Variants in HSD11B1L observed in about 807,000 individuals in gnomAD.
The protein encoded by HSD11B1L is hydroxysteroid 11-beta dehydrogenase 1 like, also known as hydroxysteroid 11-beta-dehydrogenase 1-like protein.
HSD11B1L carries 22 observed loss-of-function variants against 27.0 expected under a neutral mutation model. That is an observed-to-expected ratio of 0.81 (90% CI 0.58 to 1.16). The LOEUF is 1.16. Among genes scored for constraint, HSD11B1L ranks in the 50% most tolerant of loss-of-function variants. The probability of loss-of-function intolerance (pLI) is 0.00; values close to 1 mark genes in which losing one functional copy is unlikely to be tolerated. For missense variants in HSD11B1L, 372 were observed against 401.8 expected, an observed-to-expected ratio of 0.93 and a Z score of 0.63; for synonymous variants, 187 against 189.2, an observed-to-expected ratio of 0.99 and a Z score of 0.09.
intron 1 of HSD11B1L, among the ~76,000 whole-genome samples, chr19:5,682,047 G>A (rs917520751): frequency 3.3e-5 from 5 of 152,210 alleles, no homozygotes; most frequent in South Asian, 2.1e-4. Context: ...GTGTGTCTGG[G>A]AAAGGTGAGG....
At position 5,687,749 on chromosome 19, in the gene HSD11B1L, C is replaced by A; in HGVS notation, c.669-4C>A. On this transcript the variant is annotated splice_polypyrimidine_tract_variant and splice_region_variant and intron_variant, in intron 7 of 7. Coordinates refer to ENST00000339423, the MANE Select transcript of HSD11B1L (RefSeq NM_198706.3). The surrounding 1 kb of genome is among the most constrained non-coding windows in gnomAD (Gnocchi z 6.6). Reference sequence around the variant, plus strand: ...CAGTCCCCACCGTGCCCTCCTGTCCCCAGGGGAGTCACGAGGGTCAAGGCG... The same window carrying A: ...CAGTCCCCACCGTGCCCTCCTGTCCACAGGGGAGTCACGAGGGTCAAGGCG... The A allele has an allele frequency of 6.7e-7, 1 of 1,486,350 alleles. No homozygotes were observed. The highest frequency in any genetic ancestry group is 2.0e-4 in the Middle Eastern group (1 of 5,074). The allele number at this position is 1,486,350 out of a possible 1,614,324, so 92.1% of individuals were successfully genotyped here.
intron 1 of HSD11B1L, chr19:5,683,886 T>C (rs2054618469): frequency 4.1e-6 from 1 of 242,246 alleles, no homozygotes; most frequent in Non-Finnish European, 7.7e-6. Flanking sequence ...AGAGTGAGAC[T>C]CTGCCTCAAA....
At chr19:5,684,167 C>T in intron 1 of HSD11B1L, 1 of 395,414 alleles carries the variant, frequency 2.5e-6, no homozygotes, top group Non-Finnish European at 4.5e-6. Context: ...AGGCGCCTGC[C>T]ACCGCGCCCG....
chr19:5,684,696 G>T, intron 1 of HSD11B1L, 123 bp from the exon 2 acceptor site: 1 of 1,502,708 alleles, frequency 6.7e-7, no homozygotes, highest in Non-Finnish European at 9.0e-7. Context: ...TGGACAGGTG[G>T]TGGCTGTGGA....
In HSD11B1L at chr19:5,688,236, C is replaced by T. The variant is rs1340149879; in HGVS notation, c.*291C>T. ...CATTTTGCAGATGAGGAAACTAAGG[C>T]TCAGAGAGGCCACGCCACCCTTGAG... On this transcript the variant is annotated 3_prime_UTR_variant, in exon 8 of 8. Transcript: ENST00000339423. The T allele has an allele frequency of 3.3e-6, 5 of 1,508,046 alleles. No individual in the cohort carries two copies. Among genetic ancestry groups the T allele is most frequent in the East Asian group, 2.5e-5 (1 of 40,680 alleles). The allele number at this position is 1,508,046 out of a possible 1,614,324, so 93.4% of individuals were successfully genotyped here.
intron 1 of HSD11B1L, among the ~76,000 whole-genome samples, chr19:5,682,630 G>C (rs894130120): frequency 6.6e-6 from 1 of 151,900 alleles, no homozygotes; most frequent in Non-Finnish European, 1.5e-5. Flanking sequence ...GCCTGGATTG[G>C]GTCCTGCTGG....
rs1332750937 is a variant in HSD11B1L at position 5,687,122 on chromosome 19, T to C, written c.408+131T>C. Reference sequence around the variant, plus strand: ...CGTCCCGCCCCAGCCACGCCCCTCCTAGCCCAAGCCCCTGCTCCGGCCTTG... The same window carrying C: ...CGTCCCGCCCCAGCCACGCCCCTCCCAGCCCAAGCCCCTGCTCCGGCCTTG... On this transcript the variant is annotated intron_variant, in intron 5 of 7. Transcript: ENST00000339423. The surrounding 1 kb of genome is among the most constrained non-coding windows in gnomAD (Gnocchi z 6.6). 26 of 965,316 alleles carry C rather than the reference T, an allele frequency of 2.7e-5. No individual in the cohort carries two copies. Among genetic ancestry groups the C allele is most frequent in the Non-Finnish European group, 3.8e-5 (25 of 663,996 alleles). The allele number at this position is 965,316 out of a possible 1,614,324, so 59.8% of individuals were successfully genotyped here. A position where few individuals can be genotyped will look rare whatever the true frequency, so the allele number is the denominator to read the frequency against.
In HSD11B1L at chr19:5,688,159, G is replaced by C; in HGVS notation, c.*214G>C. ...TGCCCCGTGTTAGGCGCCTTTGTCGGGGACTTGCAAGGCCTCACCTGTTTG... is the reference window on the plus strand; with the variant it reads ...TGCCCCGTGTTAGGCGCCTTTGTCGCGGACTTGCAAGGCCTCACCTGTTTG... On this transcript the variant is annotated 3_prime_UTR_variant, in exon 8 of 8. Transcript: ENST00000339423. 1 of 1,550,866 alleles carries C rather than the reference G, an allele frequency of 6.4e-7. No homozygotes were observed. The highest frequency in any genetic ancestry group is 8.7e-7 in the Non-Finnish European group (1 of 1,146,952).
intron 3 of HSD11B1L, 23 bp from the exon 4 acceptor site, chr19:5,686,393 C>G: frequency 5.3e-6 from 8 of 1,495,760 alleles, no homozygotes; most frequent in Non-Finnish European, 7.2e-6. Flanking sequence ...GAGAGGCCCA[C>G]GGGCAGCTCT....
rs754635706 is a variant in HSD11B1L, at chr19:5,684,831, C to A, written c.-2C>A. On this transcript the variant is annotated 5_prime_UTR_variant, in exon 2 of 8. Coordinates refer to ENST00000339423, the MANE Select transcript of HSD11B1L (RefSeq NM_198706.3). ...TGTCCCTCTGCAGGCCCACACAGGA[C>A]CATGAAGGTGCTTCTCCTCACAGGG... 7.4e-6 allele frequency: 12 copies of A among 1,613,776 alleles called. No individual in the cohort carries two copies. The highest frequency in any genetic ancestry group is 9.3e-6 in the Non-Finnish European group (11 of 1,180,004).
At chr19:5,681,972 A>G (rs7255033) in intron 1 of HSD11B1L, among the ~76,000 whole-genome samples, 8,625 of 152,200 alleles carry the variant, frequency 0.057, 486 homozygotes, top group African/African-American at 0.14. Flanking sequence ...TGAGCAGAGG[A>G]GCTTCATGGG....
At chr19:5,684,669 G>C in intron 1 of HSD11B1L, 150 bp from the exon 2 acceptor site, 1 of 1,281,168 alleles carries the variant, frequency 7.8e-7, no homozygotes, top group Non-Finnish European at 1.1e-6. Context: ...GTGGTTCATG[G>C]AGCCACCGTG....
At position 5,686,548 on chromosome 19, in the gene HSD11B1L, C is replaced by T. The variant is rs760089582; in HGVS notation, c.316+21C>T. 5.2e-6 allele frequency: 8 copies of T among 1,547,736 alleles called. No individual in the cohort carries two copies. In the Admixed American group the frequency reaches 1.6e-4, roughly 31 times the overall value. On this transcript the variant is annotated intron_variant, in intron 4 of 7. Transcript: ENST00000339423. Reference sequence around the variant, plus strand: ...GCTGGGTGAGGGGCTGGGCCTGAAGCCTGGAGTCCGGGACCGTGGCCTAGG... The same window carrying T: ...GCTGGGTGAGGGGCTGGGCCTGAAGTCTGGAGTCCGGGACCGTGGCCTAGG...
chr19:5,685,142 G>T lies in HSD11B1L; in HGVS notation c.204+23G>T. 3 of 1,542,100 alleles carry T rather than the reference G, an allele frequency of 1.9e-6. No homozygotes were observed. The highest frequency in any genetic ancestry group is 1.7e-6 in the Non-Finnish European group (2 of 1,146,912). On this transcript the variant is annotated intron_variant, in intron 3 of 7. Coordinates refer to ENST00000339423, the MANE Select transcript of HSD11B1L (RefSeq NM_198706.3). The surrounding 1 kb of genome is among the most constrained non-coding windows in gnomAD (Gnocchi z 4.3). ...AAGGTGAGCCACCCCATGTCTAGAT[G>T]AATGGTGGGGGTGCTCATGGGGGGT...
rs781554034 is a variant in HSD11B1L, at chr19:5,687,470, G to A, written c.503-33G>A. On this transcript the variant is annotated intron_variant, in intron 6 of 7. Transcript: ENST00000339423. The surrounding 1 kb of genome is among the most constrained non-coding windows in gnomAD (Gnocchi z 6.6). ...CTGGGCAGGCTTCCCGGACGAGGGG[G>A]AGCCACTCAGCCGCTGCCGTCCGCG... 3.8e-6 allele frequency: 6 copies of A among 1,588,866 alleles called. No individual in the cohort carries two copies. The highest frequency in any genetic ancestry group is 3.4e-5 in the Admixed American group (2 of 59,028).
chr19:5,685,320 G>A lies in HSD11B1L; in HGVS notation c.204+201G>A, dbSNP rs760581309. ...TGGCCAGGCACGGTGGCTCACGCTT[G>A]TAGTCAGCACTTTGGGAGGCCGAGG... On this transcript the variant is annotated intron_variant, in intron 3 of 7. Transcript: ENST00000339423. The surrounding 1 kb of genome is among the most constrained non-coding windows in gnomAD (Gnocchi z 4.3). The A allele has an allele frequency of 1.3e-6, 1 of 748,488 alleles. No individual in the cohort carries two copies. Among genetic ancestry groups the A allele is most frequent in the South Asian group, 1.5e-5 (1 of 67,786 alleles). The allele number at this position is 748,488 out of a possible 1,614,324, so 46.4% of individuals were successfully genotyped here.
chr19:5,681,510 C>T (rs921627684), intron 1 of HSD11B1L, among the ~76,000 whole-genome samples: 16 of 151,986 alleles, frequency 1.1e-4, no homozygotes, highest in African/African-American at 3.4e-4. Flanking sequence ...TCCACACTTC[C>T]GTTCATCCAT....
intron 1 of HSD11B1L, among the ~76,000 whole-genome samples, chr19:5,683,208 C>CAAAAAA (rs1168433209): frequency 3.9e-5 from 2 of 51,098 alleles, no homozygotes; most frequent in East Asian, 6.3e-4. Flanking sequence ...AACTCAGTCT[C>CAAAAAA]AAAAAAAAAA....
Position 5,685,059 on chromosome 19 carries a change from C to T in HSD11B1L, c.144C>T (p.His48=), listed in dbSNP as rs1447222245. The change falls in exon 3 of 8, where the codon CAC becomes CAT. Residue 48 remains histidine, a synonymous_variant. Transcript: ENST00000339423. This position sits in a 1 kb window ranked among gnomAD's most constrained non-coding sequence, Gnocchi z 4.3. ...GTGTTGGTGAGGAGCTGGCCTATCA[C>T]TACGCGCGTCTGGGCTCCCACCTGG... is the stretch of plus-strand genomic sequence containing the variant. ...NAGVGEELAY[H]YARLGSHLVL... 1.9e-6 allele frequency: 3 copies of T among 1,556,914 alleles called. No individual in the cohort carries two copies. In the Admixed American group the frequency reaches 5.8e-5, roughly 30 times the overall value.
Sources: gnomAD v4.1 joint callset for allele counts (sites outside exome capture counted in the v4.1 genomes callset) on GRCh38, gnomAD v4.1.1 for gene constraint, Gnocchi (gnomAD v3.1) non-coding constraint, MANE v1.5 for transcripts, NCBI Gene and HGNC (gene_info 2026-07-23, HGNC 2026-07-21) for gene names.